TASP1: variants seen among roughly 807,000 people sequenced by gnomAD.
TASP1 encodes the protein taspase 1.
In TASP1, 16 loss-of-function variants were observed where a neutral mutation model predicts 56.6. The observed-to-expected ratio is 0.28, with a 90% CI of 0.19 to 0.43. The LOEUF (loss-of-function observed/expected upper bound fraction) is 0.43, where lower values mean the gene tolerates loss of function less well. Among genes scored for constraint, TASP1 ranks in the 20% least tolerant of loss-of-function variants. The pLI is 1.00. For missense variants in TASP1, 393 were observed against 511.6 expected, an observed-to-expected ratio of 0.77 and a Z score of 2.24; for synonymous variants, 179 against 184.2, an observed-to-expected ratio of 0.97 and a Z score of 0.23.
the TASP1 span, among the ~76,000 whole-genome samples, chr20:13,144,033 G>C: frequency 1.3e-5 from 2 of 152,064 alleles, no homozygotes; most frequent in Admixed American, 1.3e-4. Flanking sequence ...TGCTTCCAGG[G>C]CTCTCTAATA....
At chr20:13,142,536 G>C in the TASP1 span, among the ~76,000 whole-genome samples, 1 of 152,232 alleles carries the variant, frequency 6.6e-6, no homozygotes, top group Non-Finnish European at 1.5e-5. Context: ...ATCCCAGTGT[G>C]TGGGTCTGGG....
chr20:13,509,921 T>G (rs1183661936), intron 10 of TASP1, among the ~76,000 whole-genome samples: 1 of 152,164 alleles, frequency 6.6e-6, no homozygotes, highest in Non-Finnish European at 1.5e-5. Flanking sequence ...CCACCACGTC[T>G]GGCCTTGTAA....
chr20:13,283,649 T>C, the TASP1 span, among the ~76,000 whole-genome samples: 1 of 152,198 alleles, frequency 6.6e-6, no homozygotes, highest in African/African-American at 2.4e-5. Context: ...TTTAAATCTC[T>C]TCTGTGTAGA....
chr20:13,221,720 T>TCACCGC, the TASP1 span: 4 of 1,322,456 alleles, frequency 3.0e-6, no homozygotes, highest in African/African-American at 3.1e-5. Flanking sequence ...TCCCCCGGCG[T>TCACCGC]CACCGCCGCC....
intron 5 of TASP1, among the ~76,000 whole-genome samples, chr20:13,582,367 G>A (rs2047159222): frequency 2.2e-5 from 3 of 135,938 alleles, no homozygotes; most frequent in Admixed American, 1.5e-4. Context: ...CTTATAAATT[G>A]GATTTATAAG....
At chr20:13,248,618 G>A in the TASP1 span, among the ~76,000 whole-genome samples, 3 of 152,166 alleles carry the variant, frequency 2.0e-5, no homozygotes, top group Admixed American at 2.0e-4. Context: ...CATGTAGCTG[G>A]GGTGAAATGT....
the TASP1 span, among the ~76,000 whole-genome samples, chr20:13,215,023 C>G: frequency 6.6e-6 from 1 of 152,162 alleles, no homozygotes; most frequent in African/African-American, 2.4e-5. Context: ...TGGTAACATT[C>G]TGTTTCTTGA....
chr20:13,378,684 T>C, the TASP1 span, among the ~76,000 whole-genome samples: 1 of 152,182 alleles, frequency 6.6e-6, no homozygotes, highest in Non-Finnish European at 1.5e-5. Flanking sequence ...TGTTAAAGTC[T>C]CCCACTATTA....
chr20:13,176,078 G>C, the TASP1 span, among the ~76,000 whole-genome samples: 196 of 152,262 alleles, frequency 1.3e-3, no homozygotes, highest in African/African-American at 4.4e-3. Flanking sequence ...CTCACCTTAA[G>C]AGAAAATTAG....
chr20:13,380,548 G>A, the TASP1 span, among the ~76,000 whole-genome samples: 1 of 152,276 alleles, frequency 6.6e-6, no homozygotes, highest in African/African-American at 2.4e-5. Context: ...CAGGAGGCAT[G>A]GAGGCCAGGG....
At chr20:13,335,218 C>A in the TASP1 span, among the ~76,000 whole-genome samples, 1 of 151,974 alleles carries the variant, frequency 6.6e-6, no homozygotes, top group Non-Finnish European at 1.5e-5. Flanking sequence ...ATTTGGGGAG[C>A]ATGACCAGAG....
At chr20:13,500,538 A>T (rs186698276) in intron 10 of TASP1, among the ~76,000 whole-genome samples, 1 of 151,964 alleles carries the variant, frequency 6.6e-6, no homozygotes, top group East Asian at 1.9e-4. Flanking sequence ...TAAGTGAAAA[A>T]AATATTCCTA....
the TASP1 span, among the ~76,000 whole-genome samples, chr20:13,184,477 G>A: frequency 6.6e-6 from 1 of 152,046 alleles, no homozygotes; most frequent in Non-Finnish European, 1.5e-5. Flanking sequence ...TTAATACATT[G>A]CACTTCAGGT....
intron 1 of TASP1, among the ~76,000 whole-genome samples, chr20:13,630,773 C>T (rs1163067738): frequency 6.7e-6 from 1 of 149,732 alleles, no homozygotes; most frequent in African/African-American, 2.5e-5. Flanking sequence ...CTGCCTATTC[C>T]AAAATAAAAA....
chr20:13,142,851 G>T, the TASP1 span, among the ~76,000 whole-genome samples: 1 of 152,064 alleles, frequency 6.6e-6, no homozygotes, highest in Non-Finnish European at 1.5e-5. Flanking sequence ...GTCTCATGAG[G>T]GCCCCTCCAT....
chr20:13,604,220 C>A (rs957801633), intron 4 of TASP1, among the ~76,000 whole-genome samples: 1 of 152,134 alleles, frequency 6.6e-6, no homozygotes, highest in Non-Finnish European at 1.5e-5. Context: ...TGAAATGTGA[C>A]CTCCAACGTT....
At chr20:13,576,548 G>A (rs929139314) in intron 6 of TASP1, among the ~76,000 whole-genome samples, 3 of 151,752 alleles carry the variant, frequency 2.0e-5, no homozygotes, top group Non-Finnish European at 4.4e-5. Context: ...ATTTACCACA[G>A]CATCAAAAAA....
chr20:13,143,489 G>A, the TASP1 span, among the ~76,000 whole-genome samples: 1 of 152,064 alleles, frequency 6.6e-6, no homozygotes, highest in African/African-American at 2.4e-5. Context: ...AAGAATCCAG[G>A]TCTCAGAAAG....
At chr20:13,139,829 T>C in the TASP1 span, among the ~76,000 whole-genome samples, 1 of 152,202 alleles carries the variant, frequency 6.6e-6, no homozygotes, top group African/African-American at 2.4e-5. Context: ...TGACCCGGAA[T>C]AGAATAAAAG....
Sources: allele counts gnomAD v4.1 joint callset (sites outside exome capture counted in the v4.1 genomes callset), GRCh38; gene constraint gnomAD v4.1.1; transcripts MANE v1.5; gene names NCBI Gene and HGNC (gene_info 2026-07-23, HGNC 2026-07-21).